The following CDCP1 variants were observed in gnomAD, a reference collection of about 807,000 sequenced individuals.
CDCP1 encodes CUB domain containing protein 1.
CDCP1 carries 29 observed loss-of-function variants against 60.2 expected under a neutral mutation model. That is an observed-to-expected ratio of 0.48 (90% CI 0.36 to 0.66). The LOEUF (loss-of-function observed/expected upper bound fraction) is 0.66. Ranked by LOEUF, CDCP1 falls within the 30% of genes least tolerant of loss-of-function variation. CDCP1 has a pLI of 0.00. For synonymous variants in CDCP1, 387 were observed against 431.1 expected (o/e 0.90, Z 1.27); for missense variants, 876 against 1,074.3 (o/e 0.82, Z 2.58).
At chr3:45,115,701 C>CT (rs369872423) in intron 2 of CDCP1, among the ~76,000 whole-genome samples, 21,107 of 151,054 alleles carry the variant, frequency 0.14, 1,635 homozygotes, top group Non-Finnish European at 0.18. Context: ...CTTAGTATTT[C>CT]TTTTTTTTTT....
intron 1 of CDCP1, among the ~76,000 whole-genome samples, chr3:45,132,470 T>G (rs1699116358): frequency 6.6e-6 from 1 of 152,186 alleles, no homozygotes; most frequent in Non-Finnish European, 1.5e-5. Context: ...TAGTTCAGCC[T>G]GCAGCTTTGA....
At chr3:45,141,917 T>G (rs1196500958) in intron 1 of CDCP1, among the ~76,000 whole-genome samples, 1 of 152,166 alleles carries the variant, frequency 6.6e-6, no homozygotes, top group Non-Finnish European at 1.5e-5. Flanking sequence ...CTCCAACCTC[T>G]GCCCCCCGGG....
chr3:45,142,493 G>A (rs1274329320), intron 1 of CDCP1, among the ~76,000 whole-genome samples: 1 of 152,186 alleles, frequency 6.6e-6, no homozygotes. Context: ...TTGGAGGGAG[G>A]AAAATGCTTC....
chr3:45,118,757 G>C (rs927582999), intron 1 of CDCP1, 136 bp from the exon 2 acceptor site: 26 of 665,086 alleles, frequency 3.9e-5, no homozygotes, highest in African/African-American at 7.3e-5. Context: ...TGAGAAGAAG[G>C]GTGGTGCAAA....
At chr3:45,110,952 C>T (rs1349321392) in intron 3 of CDCP1, 111 bp from the exon 4 acceptor site, 24 of 1,207,180 alleles carry the variant, frequency 2.0e-5, no homozygotes, top group Non-Finnish European at 2.8e-5. Context: ...GTTCTCAGAT[C>T]CTGAGCAGTG....
intron 8 of CDCP1, among the ~76,000 whole-genome samples, chr3:45,086,808 A>G (rs775584233): frequency 9.2e-5 from 14 of 152,262 alleles, no homozygotes; most frequent in Non-Finnish European, 2.9e-5. Flanking sequence ...CACAGAAAAC[A>G]AAGCTTTGCT....
chr3:45,116,836 A>C (rs907148362), intron 2 of CDCP1, among the ~76,000 whole-genome samples: 6 of 152,186 alleles, frequency 3.9e-5, no homozygotes, highest in African/African-American at 9.7e-5. Flanking sequence ...AATCCAGCCC[A>C]TTAAATTTTC....
At chr3:45,137,344 G>C (rs563819994) in intron 1 of CDCP1, among the ~76,000 whole-genome samples, 1 of 152,316 alleles carries the variant, frequency 6.6e-6, no homozygotes, top group African/African-American at 2.4e-5. Context: ...GAAGATGCCA[G>C]TGGGACATAC....
chr3:45,095,239 G>A (rs752169697), intron 5 of CDCP1, 108 bp downstream of exon 5: 1 of 1,000,224 alleles, frequency 1.0e-6, no homozygotes, highest in Non-Finnish European at 1.5e-6. Context: ...CGGCCAGATG[G>A]GCCTTTTTGA....
At chr3:45,145,647 C>G (rs1699369148) in intron 1 of CDCP1, among the ~76,000 whole-genome samples, 1 of 152,150 alleles carries the variant, frequency 6.6e-6, no homozygotes, top group African/African-American at 2.4e-5. Context: ...CGCTCTTCAA[C>G]TTTAGGAGAG....
At chr3:45,124,244 G>A (rs568302312) in intron 1 of CDCP1, among the ~76,000 whole-genome samples, 3 of 152,318 alleles carry the variant, frequency 2.0e-5, no homozygotes, top group African/African-American at 7.2e-5. Flanking sequence ...AATTCCAGGT[G>A]ATAAACACCG....
In CDCP1 at chr3:45,125,748, G is replaced by A. The variant is rs574445512; in HGVS notation, c.83-7127C>T. Reference sequence around the variant, plus strand: ...AAAGCACTGAAGAGGCAAACCTTAAGGAGGCACTCACTGTCAGGGCAGTGC... The same window carrying A: ...AAAGCACTGAAGAGGCAAACCTTAAAGAGGCACTCACTGTCAGGGCAGTGC... On this transcript the variant is annotated intron_variant, in intron 1 of 8. Coordinates refer to ENST00000296129, the MANE Select transcript of CDCP1 (RefSeq NM_022842.5). Among the ~76,000 whole-genome samples the A allele has an allele frequency of 2.6e-5, 4 of 152,340 alleles. No homozygotes were observed. The East Asian group carries it at 7.7e-4, about 29-fold the overall frequency.
intron 4 of CDCP1, among the ~76,000 whole-genome samples, chr3:45,108,512 T>C (rs746324513): frequency 3.3e-5 from 5 of 151,968 alleles, no homozygotes; most frequent in Non-Finnish European, 5.9e-5. Context: ...TAATCAGAGC[T>C]TCTAAGCAGC....
In CDCP1 at chr3:45,110,688, T is replaced by G. The variant is rs553974292; in HGVS notation, c.809A>C (p.Asn270Thr). The change falls in exon 4 of 9, where the codon AAC (asparagine) becomes ACC (threonine). Residue 270 changes from asparagine (N) to threonine (T), a missense_variant. By Grantham distance (65) the Asn-to-Thr change is moderately conservative (BLOSUM62 0). Around this residue, in one of 2 missense-constraint regions of CDCP1, gnomAD observed 726 missense variants for 935.7 expected, o/e 0.78. Transcript: ENST00000296129. The stretch of plus-strand genomic sequence containing the variant: ...CTCCTTCCTCTCACAGTTGGAGAGG[T>G]TGAAGTTGAGGAAGGAGACGCTGGC... Reference protein sequence around the residue: ...LRASVSFLNFNLSNCERKEER... With the variant: ...LRASVSFLNFTLSNCERKEER... 1 of 1,613,732 alleles carries G rather than the reference T, an allele frequency of 6.2e-7. No homozygotes were observed. Among genetic ancestry groups the G allele is most frequent in the Non-Finnish European group, 8.5e-7 (1 of 1,180,016 alleles).
At chr3:45,118,303 A>T in intron 2 of CDCP1, 109 bp downstream of exon 2, 1 of 813,454 alleles carries the variant, frequency 1.2e-6, no homozygotes, top group Non-Finnish European at 2.0e-6. Flanking sequence ...GTTTCAGAAT[A>T]GATCTTAGCT....
At chr3:45,122,695 T>C (rs1576109173) in intron 1 of CDCP1, among the ~76,000 whole-genome samples, 1 of 149,388 alleles carries the variant, frequency 6.7e-6, no homozygotes, top group Non-Finnish European at 1.5e-5. Context: ...CTCAAGTGAT[T>C]TGCCCACCTC....
chr3:45,116,650 A>G (rs576362130), intron 2 of CDCP1, among the ~76,000 whole-genome samples: 117 of 152,320 alleles, frequency 7.7e-4, no homozygotes, highest in African/African-American at 2.6e-3. Flanking sequence ...AAGTTTGCCA[A>G]CCTGTCTCTA....
intron 4 of CDCP1, among the ~76,000 whole-genome samples, chr3:45,099,301 T>C (rs1698452552): frequency 6.6e-6 from 1 of 152,152 alleles, no homozygotes; most frequent in East Asian, 1.9e-4. Flanking sequence ...GGAAATAATA[T>C]TCCTTCAGAA....
Position 45,112,190 on chromosome 3 carries a change from A to C in CDCP1, c.548T>G (p.Val183Gly). 6.2e-7 allele frequency: 1 copy of C among 1,614,166 alleles called. No individual in the cohort carries two copies. The highest frequency in any genetic ancestry group is 8.5e-7 in the Non-Finnish European group (1 of 1,180,018). Residue 183 changes from valine to glycine, a missense_variant, in exon 3 of 9, where the codon GTG becomes GGG. Val to Gly is a moderately radical substitution (Grantham distance 109). Coordinates refer to ENST00000296129, the MANE Select transcript of CDCP1 (RefSeq NM_022842.5). ...RIGTFCSNGT[V>G]SRIKMQEGVK... is the part of the protein sequence containing the mutation. ...TCCTTCTTGCATCTTGATCCGGGAC[A>C]CAGTGCCATTGCTGCAGAAGGTTCC...
Sources: gnomAD v4.1 joint callset for allele counts (sites outside exome capture counted in the v4.1 genomes callset) on GRCh38, gnomAD v4.1.1 for gene constraint, gnomAD v4.1.1 regional missense constraint, MANE v1.5 for transcripts, NCBI Gene and HGNC (gene_info 2026-07-23, HGNC 2026-07-21) for gene names.